The following PUS7 variants were observed in gnomAD, a reference collection of about 807,000 sequenced individuals.
PUS7 encodes the protein pseudouridylate synthase 7 homolog.
In PUS7, 48 loss-of-function variants were observed where a neutral mutation model predicts 79.8. That is an observed-to-expected ratio of 0.60 (90% CI 0.48 to 0.76). The LOEUF is 0.76. PUS7 is among the 30% of genes least tolerant of loss of function. PUS7 has a pLI of 0.00. For missense variants in PUS7, 729 were observed against 797.6 expected, an observed-to-expected ratio of 0.91 and a Z score of 1.04; for synonymous variants, 286 against 272.2, an observed-to-expected ratio of 1.05 and a Z score of -0.50.
chr7:105,477,115 C>T (rs1306978614), intron 9 of PUS7, among the ~76,000 whole-genome samples: 1 of 152,034 alleles, frequency 6.6e-6, no homozygotes, highest in East Asian at 1.9e-4. Context: ...TGTTTGTTGC[C>T]TGTGCTTTTG....
rs1212518854 is a variant in PUS7 at position 105,456,526 on chromosome 7, T to G, written c.*1264A>C. 1 of 152,242 alleles carries G rather than the reference T, an allele frequency of 6.6e-6. No homozygotes were observed. Among genetic ancestry groups the G allele is most frequent in the African/African-American group, 2.4e-5 (1 of 41,466 alleles). 9.4% of individuals were successfully genotyped at this position (152,242 alleles called of 1,614,324 possible). ...TCTGCACTCATTTTGATATATTTATTTGATTTATTTACATAACCAGTAGAA... is the reference window on the plus strand; with the variant it reads ...TCTGCACTCATTTTGATATATTTATGTGATTTATTTACATAACCAGTAGAA... On this transcript the variant is annotated 3_prime_UTR_variant, in exon 16 of 16. Transcript: ENST00000469408.
chr7:105,488,075 A>G (rs901681510), intron 7 of PUS7, among the ~76,000 whole-genome samples: 2 of 152,216 alleles, frequency 1.3e-5, no homozygotes, highest in Non-Finnish European at 2.9e-5. Context: ...CAGAGGGCCA[A>G]CATTTAGGTG....
intron 9 of PUS7, 38 bp from the exon 10 acceptor site, chr7:105,472,231 T>C: frequency 2.3e-6 from 3 of 1,324,208 alleles, no homozygotes; most frequent in Non-Finnish European, 2.2e-6. Flanking sequence ...AAATTTTGCA[T>C]AAAGATAAAA....
intron 7 of PUS7, among the ~76,000 whole-genome samples, chr7:105,491,109 CA>C (rs561048746): frequency 1.0e-3 from 154 of 152,328 alleles, no homozygotes; most frequent in African/African-American, 3.1e-3. Flanking sequence ...CATACATTAA[CA>C]TCCAAAGTAT....
chr7:105,515,518 G>GA, intron 1 of PUS7, among the ~76,000 whole-genome samples: 1 of 152,212 alleles, frequency 6.6e-6, no homozygotes, highest in South Asian at 2.1e-4. Flanking sequence ...ACATTTGTCT[G>GA]ATCTCTTTTT....
intron 2 of PUS7, among the ~76,000 whole-genome samples, chr7:105,506,961 C>T (rs1233236065): frequency 2.0e-5 from 3 of 152,142 alleles, no homozygotes; most frequent in Non-Finnish European, 2.9e-5. Context: ...TGAAGCTTAC[C>T]TTTATGTTAA....
At chr7:105,480,418 T>A (rs895115318) in intron 9 of PUS7, among the ~76,000 whole-genome samples, 4 of 152,040 alleles carry the variant, frequency 2.6e-5, no homozygotes, top group African/African-American at 9.7e-5. Flanking sequence ...GAGATTGCAG[T>A]GAGCCAACAT....
chr7:105,482,235 A>C, intron 8 of PUS7, 77 bp downstream of exon 8: 3 of 1,517,844 alleles, frequency 2.0e-6, no homozygotes, highest in Non-Finnish European at 2.7e-6. Context: ...CCAGGACCTT[A>C]TGACCAACCG....
intron 1 of PUS7, among the ~76,000 whole-genome samples, chr7:105,519,946 A>T (rs1018006424): frequency 1.1e-4 from 17 of 152,216 alleles, no homozygotes; most frequent in Admixed American, 9.8e-4. Flanking sequence ...CAGTATGACC[A>T]GCTGGATTGT....
At chr7:105,467,370 A>G (rs2133062355) in intron 12 of PUS7, among the ~76,000 whole-genome samples, 1 of 150,052 alleles carries the variant, frequency 6.7e-6, no homozygotes, top group African/African-American at 2.5e-5. Context: ...GCTCACTGCA[A>G]GCTCCGCCTC....
chr7:105,498,402 C>T (rs1825119050), intron 5 of PUS7, among the ~76,000 whole-genome samples: 1 of 152,302 alleles, frequency 6.6e-6, no homozygotes, highest in Non-Finnish European at 1.5e-5. Context: ...CTGATTTATA[C>T]TGCAAATGCA....
chr7:105,502,366 G>A lies in PUS7; in HGVS notation c.730+54C>T, dbSNP rs182077399. 7.1e-4 allele frequency: 1,141 copies of A among 1,606,640 alleles called. 1 individual carries two copies. The highest frequency in any genetic ancestry group is 8.4e-4 in the South Asian group (76 of 90,558). On this transcript the variant is annotated intron_variant, in intron 5 of 15. Transcript: ENST00000469408. ...CGAACGGGCAAGGCTAACGAGGAGCGGGGCCTGCCGCTCACGGCTGCCTGG... is the reference window on the plus strand; with the variant it reads ...CGAACGGGCAAGGCTAACGAGGAGCAGGGCCTGCCGCTCACGGCTGCCTGG...
At chr7:105,497,633 C>T (rs544337881) in intron 5 of PUS7, among the ~76,000 whole-genome samples, 2 of 151,974 alleles carry the variant, frequency 1.3e-5, no homozygotes, top group Non-Finnish European at 2.9e-5. Flanking sequence ...ACCAAATATG[C>T]AATAGGTATG....
chr7:105,499,172 G>A (rs1825152390), intron 5 of PUS7, among the ~76,000 whole-genome samples: 1 of 152,186 alleles, frequency 6.6e-6, no homozygotes, highest in Non-Finnish European at 1.5e-5. Flanking sequence ...CTGATAGACA[G>A]GTTTCAGAGT....
At chr7:105,488,734 T>C (rs1032686397) in intron 7 of PUS7, among the ~76,000 whole-genome samples, 1 of 152,180 alleles carries the variant, frequency 6.6e-6, no homozygotes, top group African/African-American at 2.4e-5. Context: ...TACATAAGTA[T>C]TGCTGTTTAA....
chr7:105,508,424 G>A lies in PUS7; in HGVS notation c.89C>T (p.Thr30Ile), dbSNP rs777850770. The A allele has an allele frequency of 3.1e-6, 5 of 1,613,786 alleles. No homozygotes were observed. The African/African-American group carries it at 4.0e-5, about 13-fold the overall frequency. ...DNDSGVPVEE[T>I]KKQKLSECSL... ...GCATTCCGACAGCTTCTGTTTTTTT[G>A]TCTCTTCAACTGGGACTCCACTGTC... The change falls in exon 2 of 16, where the codon ACA becomes ATA. Residue 30 changes from threonine (T) to isoleucine (I), a missense_variant. By Grantham distance (89) the Thr-to-Ile change is moderately conservative. Transcript: ENST00000469408.
chr7:105,475,936 G>A (rs908566762), intron 9 of PUS7, among the ~76,000 whole-genome samples: 5 of 151,736 alleles, frequency 3.3e-5, no homozygotes, highest in Non-Finnish European at 7.4e-5. Flanking sequence ...AAGAGAAATC[G>A]TACCATATTT....
chr7:105,491,945 T>C (rs1824798702), intron 6 of PUS7, among the ~76,000 whole-genome samples: 1 of 150,454 alleles, frequency 6.6e-6, no homozygotes, highest in Admixed American at 6.7e-5. Flanking sequence ...TAGTCCCAGC[T>C]ACTTGGAAGG....
At position 105,468,459 on chromosome 7, in the gene PUS7, G is replaced by C; in HGVS notation, c.1403C>G (p.Pro468Arg). 1 of 1,590,402 alleles carries C rather than the reference G, an allele frequency of 6.3e-7. No homozygotes were observed. The highest frequency in any genetic ancestry group is 8.5e-7 in the Non-Finnish European group (1 of 1,170,090). Residue 468 changes from proline (P) to arginine (R), a missense_variant, in exon 12 of 16, where the codon CCC becomes CGC. Transcript: ENST00000469408. ...KNIVSAFGII[P>R]RNNRLMYIHS... ...AATATACATTAAGCGATTATTTCTG[G>C]GTATCTGGAGGGAAGGAAAAAAATA...
Sources: gnomAD v4.1 joint callset for allele counts (sites outside exome capture counted in the v4.1 genomes callset) on GRCh38, gnomAD v4.1.1 for gene constraint, MANE v1.5 for transcripts, NCBI Gene and HGNC (gene_info 2026-07-23, HGNC 2026-07-21) for gene names.